The following VMA12 variants were observed in gnomAD, a reference collection of about 807,000 sequenced individuals.
The protein encoded by VMA12 is vacuolar ATPase assembly factor VMA12, also known as vacuolar ATPase assembly protein VMA12.
At chr17:28,360,391 C>T in the VMA12 span, 1 of 794,558 alleles carries the variant, frequency 1.3e-6, no homozygotes, top group Non-Finnish European at 2.0e-6. Context: ...AGAAAAGAGT[C>T]AAAATGGTTC....
At chr17:28,358,728 C>T in the VMA12 span, among the ~76,000 whole-genome samples, 2 of 152,150 alleles carry the variant, frequency 1.3e-5, no homozygotes, top group Admixed American at 6.5e-5. Context: ...AAGTCACCTG[C>T]GCAGCACTGG....
the VMA12 span, chr17:28,363,056 A>G: frequency 6.6e-6 from 1 of 152,218 alleles, no homozygotes; most frequent in Admixed American, 6.5e-5. Context: ...GATGTGTTAC[A>G]CACCATGTAA....
the VMA12 span, chr17:28,359,208 G>A: frequency 1.6e-6 from 2 of 1,212,604 alleles, no homozygotes; most frequent in Non-Finnish European, 2.4e-6. Context: ...CTAGTATGTG[G>A]GTCTCCTGAT....
the VMA12 span, chr17:28,360,843 C>T: frequency 9.3e-6 from 15 of 1,613,392 alleles, no homozygotes; most frequent in Non-Finnish European, 1.2e-5. Context: ...ACAGAAATGG[C>T]CTCGGTGAGT....
chr17:28,359,186 C>T, the VMA12 span: 3 of 1,031,380 alleles, frequency 2.9e-6, no homozygotes, highest in Non-Finnish European at 4.2e-6. Context: ...TTTCAAAGCA[C>T]TGGAGTTACG....
chr17:28,361,505 AATCTGGTACCC>A, the VMA12 span: 1 of 464,698 alleles, frequency 2.2e-6, no homozygotes, highest in Non-Finnish European at 3.9e-6. Context: ...CCTCTTCCTG[AATCTGGTACCC>A]ATCTGCCTTC....
the VMA12 span, chr17:28,359,498 A>G: frequency 2.2e-5 from 27 of 1,255,174 alleles, no homozygotes; most frequent in Non-Finnish European, 2.7e-5. Flanking sequence ...AAACATGGAA[A>G]CTTGGTTTCT....
chr17:28,362,204 A>G, the VMA12 span: 1 of 149,174 alleles, frequency 6.7e-6, no homozygotes, highest in Non-Finnish European at 1.5e-5. Context: ...TTTCCAAAGC[A>G]CTTTTCTGTT....
the VMA12 span, chr17:28,362,180 TGTC>T: frequency 6.6e-6 from 1 of 152,136 alleles, no homozygotes; most frequent in Non-Finnish European, 1.5e-5. Flanking sequence ...GTACTCCTGT[TGTC>T]TTTTTTTTTT....
the VMA12 span, chr17:28,360,014 C>T: frequency 6.5e-6 from 1 of 152,886 alleles, no homozygotes; most frequent in Admixed American, 6.5e-5. Context: ...GTCACCCAGG[C>T]TGGAGGGCAG....
chr17:28,361,849 C>G, the VMA12 span: 1 of 153,788 alleles, frequency 6.5e-6, no homozygotes, highest in Non-Finnish European at 1.4e-5. Context: ...GTGTTAGGCC[C>G]CTTTTCCAGA....
chr17:28,357,960 C>T, the VMA12 span: 1 of 1,470,840 alleles, frequency 6.8e-7, no homozygotes, highest in South Asian at 1.2e-5. Flanking sequence ...CCATCATTCC[C>T]CTTCTTCTAC....
the VMA12 span, chr17:28,359,458 T>G: frequency 6.6e-7 from 1 of 1,524,762 alleles, no homozygotes. Context: ...AGTAGGGCCC[T>G]GCAGTGGAAG....
chr17:28,357,809 A>G, the VMA12 span: 1 of 1,614,068 alleles, frequency 6.2e-7, no homozygotes, highest in Non-Finnish European at 8.5e-7. Flanking sequence ...GGGCGGTGAT[A>G]GCTCCAGTGG....
chr17:28,358,635 A>G, the VMA12 span, among the ~76,000 whole-genome samples: 1 of 152,258 alleles, frequency 6.6e-6, no homozygotes, highest in Non-Finnish European at 1.5e-5. Context: ...TTGTGGCCAC[A>G]GAACTGATCT....
chr17:28,361,171 A>G, the VMA12 span: 1 of 1,614,088 alleles, frequency 6.2e-7, no homozygotes. Flanking sequence ...TGCTAGCTGC[A>G]TTGATCGTCG....
the VMA12 span, among the ~76,000 whole-genome samples, chr17:28,359,923 A>G: frequency 9.9e-5 from 15 of 152,108 alleles, no homozygotes; most frequent in Non-Finnish European, 1.5e-4. Context: ...AAATAAATAA[A>G]TAAATAAATA....
At chr17:28,357,921 C>T in the VMA12 span, 1,998 of 1,603,730 alleles carry the variant, frequency 1.2e-3, 32 homozygotes, top group African/African-American at 0.024. Flanking sequence ...CTCCTTGTGT[C>T]CAGATCGATT....
chr17:28,358,051 C>G, the VMA12 span: 742 of 704,114 alleles, frequency 1.1e-3, 9 homozygotes, highest in South Asian at 0.013. Flanking sequence ...GGGAATTTCT[C>G]GTGGATGACA....
Sources: gnomAD v4.1 joint callset for allele counts (sites outside exome capture counted in the v4.1 genomes callset) on GRCh38, gnomAD v4.1.1 for gene constraint, MANE v1.5 for transcripts, NCBI Gene and HGNC (gene_info 2026-07-23, HGNC 2026-07-21) for gene names.